FAM78B: variants seen among roughly 807,000 people sequenced by gnomAD.
FAM78B encodes family with sequence similarity 78 member B, also known as protein FAM78B.
Under a neutral mutation model 20.0 loss-of-function variants are expected in FAM78B, and 10 were observed. The observed-to-expected ratio is 0.50, with a 90% CI of 0.31 to 0.85. FAM78B has a LOEUF of 0.85. Among genes scored for constraint, FAM78B ranks in the 40% least tolerant of loss-of-function variants. FAM78B has a pLI of 0.05. For missense variants in FAM78B, 283 were observed against 345.0 expected (o/e 0.82, Z 1.42); for synonymous variants, 135 against 132.8 (o/e 1.02, Z -0.12).
chr1:166,103,530 G>T (rs982164949), intron 1 of FAM78B, among the ~76,000 whole-genome samples: 13 of 152,118 alleles, frequency 8.5e-5, no homozygotes, highest in African/African-American at 3.1e-4. Context: ...TATCACCAAC[G>T]ATCCCACAGA....
Position 166,166,237 on chromosome 1 carries a change from G to A in FAM78B, c.12C>T (p.Ile4=). Residue 4 remains isoleucine (I), a synonymous_variant, in exon 1 of 2, where the codon ATC becomes ATT. Coordinates refer to ENST00000354422, the MANE Select transcript of FAM78B (RefSeq NM_001017961.5). ...TCCGCGCCTTGCAGGTGATGCTTTG[G>A]ATACAGCCCATCCTGCAGCCCGGTG... is the stretch of plus-strand genomic sequence containing the variant. The part of the protein sequence containing the change: MGC[I]QSITCKARIR... 1 of 1,512,606 alleles carries A rather than the reference G, an allele frequency of 6.6e-7. No homozygotes were observed. Among genetic ancestry groups the A allele is most frequent in the Non-Finnish European group, 8.9e-7 (1 of 1,125,106 alleles). 93.7% of individuals were successfully genotyped at this position (1,512,606 alleles called of 1,614,324 possible). A position where few individuals can be genotyped will look rare whatever the true frequency, so the allele number is the denominator to read the frequency against.
chr1:166,073,534 CTCTTT>C (rs1175296037), intron 1 of FAM78B, among the ~76,000 whole-genome samples: 2,095 of 134,206 alleles, frequency 0.016, 47 homozygotes, highest in African/African-American at 0.057. Flanking sequence ...TTCTCTTTCT[CTCTTT>C]TTTTTTTTTT....
chr1:166,110,658 C>G (rs990123814), intron 1 of FAM78B, among the ~76,000 whole-genome samples: 1 of 152,072 alleles, frequency 6.6e-6, no homozygotes, highest in Non-Finnish European at 1.5e-5. Flanking sequence ...TGGTATCCAG[C>G]TTTGAATGGA....
chr1:166,146,802 AT>A (rs1655474921), intron 1 of FAM78B, among the ~76,000 whole-genome samples: 2 of 152,196 alleles, frequency 1.3e-5, no homozygotes, highest in Non-Finnish European at 2.9e-5. Context: ...CCTTCTGAGC[AT>A]TGGCATTCAT....
intron 1 of FAM78B, among the ~76,000 whole-genome samples, chr1:166,100,739 C>T (rs926157245): frequency 6.6e-6 from 1 of 152,240 alleles, no homozygotes; most frequent in South Asian, 2.1e-4. Context: ...GGAGGCCTGC[C>T]TGCCTCTGTA....
At chr1:166,151,988 A>G (rs1008396483) in intron 1 of FAM78B, among the ~76,000 whole-genome samples, 1 of 152,226 alleles carries the variant, frequency 6.6e-6, no homozygotes, top group African/African-American at 2.4e-5. Flanking sequence ...AGACTTTTCA[A>G]TTGTGATTAC....
At chr1:166,121,712 C>T (rs1195411890) in intron 1 of FAM78B, among the ~76,000 whole-genome samples, 1 of 152,166 alleles carries the variant, frequency 6.6e-6, no homozygotes, top group Non-Finnish European at 1.5e-5. Flanking sequence ...TTGTTTAATC[C>T]TCCTAACAAC....
intron 1 of FAM78B, among the ~76,000 whole-genome samples, chr1:166,162,679 T>A (rs1000356422): frequency 3.3e-5 from 5 of 152,186 alleles, no homozygotes; most frequent in African/African-American, 1.2e-4. Context: ...CTTCCTGACA[T>A]CCTCTGTCTG....
At chr1:166,066,190 G>C (rs1276519215), downstream of FAM78B, among the ~76,000 whole-genome samples, 1 of 152,186 alleles carries the variant, frequency 6.6e-6, no homozygotes, top group East Asian at 1.9e-4. Context: ...GTGCTTAAAG[G>C]ATTCTGATGC....
intron 1 of FAM78B, among the ~76,000 whole-genome samples, chr1:166,092,833 T>C (rs1322903964): frequency 6.6e-6 from 1 of 152,220 alleles, no homozygotes; most frequent in Admixed American, 6.5e-5. Context: ...GCCATTCTAA[T>C]ACACATTTTT....
At chr1:166,145,820 A>C (rs1272528633) in intron 1 of FAM78B, among the ~76,000 whole-genome samples, 1 of 152,266 alleles carries the variant, frequency 6.6e-6, no homozygotes, top group East Asian at 1.9e-4. Flanking sequence ...GTAGTGTGGT[A>C]AAGTAAACAA....
intron 1 of FAM78B, among the ~76,000 whole-genome samples, chr1:166,115,885 A>G (rs1045877016): frequency 6.6e-5 from 10 of 152,250 alleles, no homozygotes; most frequent in African/African-American, 2.4e-4. Context: ...AATGGAAATA[A>G]CAATACCTGT....
intron 1 of FAM78B, among the ~76,000 whole-genome samples, chr1:166,103,011 AC>A (rs1369847968): frequency 1.3e-5 from 2 of 152,212 alleles, no homozygotes; most frequent in African/African-American, 4.8e-5. Flanking sequence ...AGTGTCTCAG[AC>A]CACAGTGCAA....
chr1:166,098,916 A>G lies in FAM78B; in HGVS notation c.264-28153T>C, dbSNP rs149707374. On this transcript the variant is annotated intron_variant, in intron 1 of 1. Transcript: ENST00000354422. ...AAGAACACCTGGGAAATTCATCACG[A>G]AAAGATCTTTGCCTAGACACACTGT... Among the ~76,000 whole-genome samples the G allele has an allele frequency of 3.4e-3, 515 of 152,334 alleles. 3 individuals are homozygous for G. Among genetic ancestry groups the G allele is most frequent in the African/African-American group, 0.012 (488 of 41,578 alleles).
At chr1:166,104,458 T>A (rs1428548737) in intron 1 of FAM78B, among the ~76,000 whole-genome samples, 2 of 152,164 alleles carry the variant, frequency 1.3e-5, no homozygotes, top group African/African-American at 4.8e-5. Context: ...GAAAACCCCA[T>A]CACCTCAGCC....
intron 1 of FAM78B, among the ~76,000 whole-genome samples, chr1:166,124,070 C>T (rs1037229635): frequency 6.6e-6 from 1 of 152,196 alleles, no homozygotes; most frequent in Non-Finnish European, 1.5e-5. Flanking sequence ...GGCCTCATCA[C>T]TCACTATGCC....
At chr1:166,088,387 G>C (rs748634195) in intron 1 of FAM78B, among the ~76,000 whole-genome samples, 1 of 152,082 alleles carries the variant, frequency 6.6e-6, no homozygotes, top group Non-Finnish European at 1.5e-5. Flanking sequence ...CCTCCCAAGG[G>C]AGTTTTCTCC....
At chr1:166,113,658 C>G (rs34402000) in intron 1 of FAM78B, among the ~76,000 whole-genome samples, 25,211 of 152,244 alleles carry the variant, frequency 0.17, 2,246 homozygotes, top group East Asian at 0.27. Flanking sequence ...TGCCACCCTT[C>G]TGCAAGGCAT....
chr1:166,163,637 T>G (rs1203151087), intron 1 of FAM78B, among the ~76,000 whole-genome samples: 1 of 152,232 alleles, frequency 6.6e-6, no homozygotes, highest in Non-Finnish European at 1.5e-5. Context: ...TAATAACTAA[T>G]AGACTGCAGC....
Sources: gnomAD v4.1 joint callset for allele counts (sites outside exome capture counted in the v4.1 genomes callset) on GRCh38, gnomAD v4.1.1 for gene constraint, MANE v1.5 for transcripts, NCBI Gene and HGNC (gene_info 2026-07-23, HGNC 2026-07-21) for gene names.